Variants in SLC9D1 observed in about 807,000 individuals in gnomAD.
SLC9D1 encodes putative LAG1-interacting protein.
the SLC9D1 span, among the ~76,000 whole-genome samples, chr13:113,536,971 C>G: frequency 6.6e-6 from 1 of 152,140 alleles, no homozygotes; most frequent in Non-Finnish European, 1.5e-5. Flanking sequence ...TGCACTTGCT[C>G]CAGGAGTGGA....
At chr13:113,537,508 A>C in the SLC9D1 span, among the ~76,000 whole-genome samples, 7 of 152,170 alleles carry the variant, frequency 4.6e-5, no homozygotes, top group African/African-American at 1.7e-4. Context: ...ATTCCATTCC[A>C]GCATGTCAGA....
chr13:113,506,558 A>AGAGTGTGTGTGT, the SLC9D1 span, among the ~76,000 whole-genome samples: 1 of 109,780 alleles, frequency 9.1e-6, no homozygotes. Context: ...TGTGTGTGTG[A>AGAGTGTGTGTGT]GTGTGTGTGT....
At chr13:113,533,895 A>G in the SLC9D1 span, 1 of 660,384 alleles carries the variant, frequency 1.5e-6, no homozygotes, top group African/African-American at 1.8e-5. Context: ...AGTATGATTC[A>G]TAGGTGTTTT....
the SLC9D1 span, among the ~76,000 whole-genome samples, chr13:113,510,886 G>C: frequency 0.025 from 3,788 of 152,176 alleles, 98 homozygotes; most frequent in East Asian, 0.12. Flanking sequence ...TAGTTTCATC[G>C]TATGTATGAA....
chr13:113,549,080 G>A, the SLC9D1 span, among the ~76,000 whole-genome samples: 5 of 152,172 alleles, frequency 3.3e-5, no homozygotes, highest in Non-Finnish European at 5.9e-5. Flanking sequence ...CTGTTATCCT[G>A]TGGCCCATCA....
At chr13:113,503,679 A>G in the SLC9D1 span, 5 of 733,810 alleles carry the variant, frequency 6.8e-6, no homozygotes, top group Non-Finnish European at 2.4e-6. Flanking sequence ...TGATGAATTC[A>G]CTATCAAATG....
chr13:113,522,668 C>G, the SLC9D1 span, among the ~76,000 whole-genome samples: 2 of 151,808 alleles, frequency 1.3e-5, no homozygotes, highest in Admixed American at 1.3e-4. Context: ...GAGTCTCACT[C>G]TGTTGCTCAG....
the SLC9D1 span, chr13:113,504,218 T>A: frequency 6.6e-6 from 1 of 152,206 alleles, no homozygotes; most frequent in East Asian, 1.9e-4. Flanking sequence ...CCTTTCTGTA[T>A]TTTTGGGGTT....
the SLC9D1 span, among the ~76,000 whole-genome samples, chr13:113,531,623 C>T: frequency 6.6e-6 from 1 of 151,656 alleles, no homozygotes; most frequent in African/African-American, 2.4e-5. Flanking sequence ...CTGCAGGTGG[C>T]ACGGCGCCCC....
the SLC9D1 span, among the ~76,000 whole-genome samples, chr13:113,508,375 C>T: frequency 7.2e-5 from 11 of 152,358 alleles, no homozygotes; most frequent in African/African-American, 2.4e-4. Context: ...CCCCCACGCC[C>T]GTGGCCTCCT....
the SLC9D1 span, chr13:113,539,209 G>A: frequency 1.3e-5 from 9 of 671,950 alleles, no homozygotes; most frequent in East Asian, 8.1e-5. This position sits in a 1 kb window ranked among gnomAD's most constrained non-coding sequence, Gnocchi z 4.8. Flanking sequence ...CCCAGCAGAC[G>A]ACCCAGGACC....
chr13:113,501,706 C>G, the SLC9D1 span: 1 of 1,531,908 alleles, frequency 6.5e-7, no homozygotes. Flanking sequence ...CCCCTTCTTA[C>G]CACTGTTATC....
At chr13:113,539,707 TA>T in the SLC9D1 span, among the ~76,000 whole-genome samples, 2 of 152,208 alleles carry the variant, frequency 1.3e-5, no homozygotes, top group African/African-American at 4.8e-5. This position sits in a 1 kb window ranked among gnomAD's most constrained non-coding sequence, Gnocchi z 4.8. Flanking sequence ...CTTATTTTAT[TA>T]TACTGTTTCT....
chr13:113,515,666 C>T, the SLC9D1 span, among the ~76,000 whole-genome samples: 3,577 of 151,674 alleles, frequency 0.024, 89 homozygotes, highest in East Asian at 0.11. Context: ...CCGAGGCGGG[C>T]GGATCACGAG....
At chr13:113,548,317 G>T in the SLC9D1 span, 1 of 1,614,008 alleles carries the variant, frequency 6.2e-7, no homozygotes, top group Non-Finnish European at 8.5e-7. Flanking sequence ...TCCTGGCGGC[G>T]CTGGTCCTGT....
chr13:113,503,736 C>A, the SLC9D1 span: 1 of 574,814 alleles, frequency 1.7e-6, no homozygotes, highest in Non-Finnish European at 3.1e-6. Flanking sequence ...ATTTTTGGGA[C>A]AAATTCAGAA....
chr13:113,549,328 C>T, the SLC9D1 span: 4 of 1,357,668 alleles, frequency 2.9e-6, no homozygotes, highest in South Asian at 1.3e-5. Flanking sequence ...GCTTTGCAGG[C>T]GTCCCTCCCA....
the SLC9D1 span, chr13:113,545,843 G>A: frequency 6.5e-6 from 1 of 153,064 alleles, no homozygotes; most frequent in African/African-American, 2.4e-5. Context: ...CAGGTGCAGA[G>A]GTGGAGGCTC....
the SLC9D1 span, chr13:113,547,487 T>A: frequency 1.1e-6 from 1 of 873,982 alleles, no homozygotes; most frequent in Admixed American, 2.1e-5. Context: ...GAGCCGGCCC[T>A]GCTCCTCATC....
Sources: allele counts gnomAD v4.1 joint callset (sites outside exome capture counted in the v4.1 genomes callset), GRCh38; gene constraint gnomAD v4.1.1; non-coding constraint Gnocchi (gnomAD v3.1); transcripts MANE v1.5; gene names NCBI Gene and HGNC (gene_info 2026-07-23, HGNC 2026-07-21).